Variants in PIGG observed in about 807,000 individuals in gnomAD.
PIGG encodes GPI ethanolamine phosphate transferase 2, catalytic subunit.
Under a neutral mutation model 83.2 loss-of-function variants are expected in PIGG, and 70 were observed. The ratio of observed to expected loss-of-function variants is 0.84; its 90% CI spans 0.69 to 1.03. The LOEUF (loss-of-function observed/expected upper bound fraction) is 1.03, where lower values mean the gene tolerates loss of function less well. Ranked by LOEUF, PIGG falls within the 50% of genes least tolerant of loss-of-function variation. The pLI, the probability that PIGG is intolerant of heterozygous loss-of-function variation, is 0.00. For synonymous variants in PIGG, 532 were observed against 519.5 expected (o/e 1.02, Z -0.33); for missense variants, 1,257 against 1,233.6 (o/e 1.02, Z -0.28).
chr4:511,607 T>C (rs1721989813), intron 5 of PIGG, among the ~76,000 whole-genome samples: 1 of 152,242 alleles, frequency 6.6e-6, no homozygotes, highest in Admixed American at 6.5e-5. Flanking sequence ...ATAGACATGG[T>C]TTTATATAAT....
rs1020841362 is a variant in PIGG, at chr4:523,920, G to C, written c.2069+7G>C. 1 of 1,491,442 alleles carries C rather than the reference G, an allele frequency of 6.7e-7. No homozygotes were observed. The highest frequency in any genetic ancestry group is 1.3e-5 in the South Asian group (1 of 77,344). The allele number at this position is 1,491,442 out of a possible 1,614,324, so 92.4% of individuals were successfully genotyped here. A position where few individuals can be genotyped will look rare whatever the true frequency, so the allele number is the denominator to read the frequency against. On this transcript the variant is annotated splice_region_variant and intron_variant, in intron 9 of 12. Coordinates refer to ENST00000453061, the MANE Select transcript of PIGG (RefSeq NM_001127178.3). ...TCGGCCACTGGCTCACCAGGTGAGA[G>C]CGTAGGCCCGTGGCCACAGGCCAGA...
At chr4:533,777 C>T (rs1195204650) in intron 11 of PIGG, 41 bp from the exon 12 acceptor site, 32 of 1,596,910 alleles carry the variant, frequency 2.0e-5, no homozygotes, top group Middle Eastern at 3.3e-4. Flanking sequence ...GTTGATGCCA[C>T]GTGTTGTGAG....
At chr4:522,153 C>T in intron 8 of PIGG, 1 of 619,332 alleles carries the variant, frequency 1.6e-6, no homozygotes, top group Non-Finnish European at 2.9e-6. Flanking sequence ...CACATCTGTG[C>T]TGTCAGGTCA....
chr4:521,637 A>G, intron 7 of PIGG, 23 bp from the exon 8 acceptor site: 2 of 1,609,578 alleles, frequency 1.2e-6, no homozygotes, highest in Non-Finnish European at 1.7e-6. Flanking sequence ...CAGTCTGTGG[A>G]TGCTGCTGTT....
chr4:520,166 C>T (rs1244448374), intron 6 of PIGG, among the ~76,000 whole-genome samples: 5 of 152,204 alleles, frequency 3.3e-5, no homozygotes, highest in African/African-American at 7.2e-5. Flanking sequence ...CAGGGTGGGG[C>T]GAGCCTGCCA....
intron 6 of PIGG, among the ~76,000 whole-genome samples, chr4:518,588 A>C (rs28374581): frequency 6.6e-6 from 1 of 152,122 alleles, no homozygotes; most frequent in African/African-American, 2.4e-5. Context: ...GCGAGACTCC[A>C]TCTCAAAAAA....
chr4:500,791 A>G (rs1420488932), intron 2 of PIGG, among the ~76,000 whole-genome samples, 190 bp downstream of exon 2: 1 of 152,344 alleles, frequency 6.6e-6, no homozygotes, highest in East Asian at 1.9e-4. Context: ...TTTGTGCCCC[A>G]TGTCAAGTAG....
At chr4:503,649 G>A (rs963601473) in intron 2 of PIGG, among the ~76,000 whole-genome samples, 1 of 152,104 alleles carries the variant, frequency 6.6e-6, no homozygotes, top group African/African-American at 2.4e-5. Flanking sequence ...CAGTAAAATG[G>A]TCTTGGTTAA....
rs531144325 is a variant in PIGG at position 530,080 on chromosome 4, C to T, written c.2262-356C>T. 4.6e-5 allele frequency among the ~76,000 whole-genome samples: 7 copies of T among 152,266 alleles called. No homozygotes were observed. In the South Asian group the frequency reaches 8.3e-4, roughly 18 times the overall value. On this transcript the variant is annotated intron_variant, in intron 10 of 12. Transcript: ENST00000453061. ...CTTAGAGTTGACTCTTATACTAGTGCGTTGGGTTTTTTTTAATTAACTGCA... is the reference window on the plus strand; with the variant it reads ...CTTAGAGTTGACTCTTATACTAGTGTGTTGGGTTTTTTTTAATTAACTGCA...
intron 3 of PIGG, among the ~76,000 whole-genome samples, chr4:507,076 A>G (rs1719978605): frequency 6.6e-6 from 1 of 152,246 alleles, no homozygotes; most frequent in Non-Finnish European, 1.5e-5. Context: ...CATAAAAACA[A>G]TATTAGCAAA....
chr4:511,399 A>G lies in PIGG; in HGVS notation c.901+2429A>G, dbSNP rs1721903428. ...TCATTGACCATTCTTGAGCTGATGG[A>G]CATTTGGGTTGTTTCCACTTTCTGG... On this transcript the variant is annotated intron_variant, in intron 5 of 12. Transcript: ENST00000453061. Among the ~76,000 whole-genome samples, 3 of 151,930 alleles carry G rather than the reference A, an allele frequency of 2.0e-5. No homozygotes were observed. The South Asian group carries it at 6.2e-4, about 32-fold the overall frequency.
rs1368116066 is a variant in PIGG, at chr4:537,976, A to G, written c.2736-1177A>G. Among the ~76,000 whole-genome samples the G allele has an allele frequency of 4.6e-5, 7 of 151,574 alleles. No individual in the cohort carries two copies. The East Asian group carries it at 1.4e-3, about 29-fold the overall frequency. ...CTGACAGGACTGAGGAGCCCTTTAC[A>G]GGACATGCATGTGGGGCCCAGACAC... On this transcript the variant is annotated intron_variant, in intron 12 of 12. Transcript: ENST00000453061.
At chr4:522,257 A>T in intron 8 of PIGG, 1 of 572,150 alleles carries the variant, frequency 1.7e-6, no homozygotes, top group Non-Finnish European at 3.1e-6. Context: ...CCCCCCGCTG[A>T]GGGGGTGTGT....
rs546568915 is a variant in PIGG, at chr4:510,563, T to A, written c.901+1593T>A. 2.6e-5 allele frequency among the ~76,000 whole-genome samples: 4 copies of A among 152,318 alleles called. No homozygotes were observed. In the South Asian group the frequency reaches 8.3e-4, roughly 32 times the overall value. ...GAGGCTTGTTCCCAACACTTCTTCA[T>A]CTTGAATGTCTGACCTGAGCAGAGC... On this transcript the variant is annotated intron_variant, in intron 5 of 12. Coordinates refer to ENST00000453061, the MANE Select transcript of PIGG (RefSeq NM_001127178.3).
chr4:533,733 C>A, intron 11 of PIGG, 85 bp from the exon 12 acceptor site: 4 of 1,323,320 alleles, frequency 3.0e-6, no homozygotes, highest in Non-Finnish European at 4.3e-6. Flanking sequence ...ACACAGTTCA[C>A]GCTAACATCG....
intron 10 of PIGG, 125 bp downstream of exon 10, chr4:527,355 A>C: frequency 4.3e-6 from 6 of 1,408,374 alleles, no homozygotes; most frequent in Non-Finnish European, 5.5e-6. Flanking sequence ...TCTTCAGAGC[A>C]TTGGAGTTTG....
In PIGG at chr4:499,220, C is replaced by A; in HGVS notation, c.-116C>A. On this transcript the variant is annotated 5_prime_UTR_variant, in exon 1 of 13. Coordinates refer to ENST00000453061, the MANE Select transcript of PIGG (RefSeq NM_001127178.3). ...GGCGGACGTGACGCCACTGTCGCTGCGACGATAAGGCCTGGCGTTATTGCT... is the reference window on the plus strand; with the variant it reads ...GGCGGACGTGACGCCACTGTCGCTGAGACGATAAGGCCTGGCGTTATTGCT... 4 of 1,129,714 alleles carry A rather than the reference C, an allele frequency of 3.5e-6. No homozygotes were observed. The highest frequency in any genetic ancestry group is 2.5e-6 in the Non-Finnish European group (2 of 813,278). The allele number at this position is 1,129,714 out of a possible 1,614,324, so 70.0% of individuals were successfully genotyped here.
intron 4 of PIGG, 64 bp from the exon 5 acceptor site, chr4:508,765 T>C (rs1577031642): frequency 2.0e-6 from 3 of 1,491,410 alleles, no homozygotes; most frequent in East Asian, 4.6e-5. Flanking sequence ...GAAAATTGTC[T>C]TCTTAAGATG....
chr4:517,810 G>A (rs897084041), intron 6 of PIGG, among the ~76,000 whole-genome samples: 1 of 148,738 alleles, frequency 6.7e-6, no homozygotes, highest in Non-Finnish European at 1.5e-5. Context: ...GGAGAGGAAC[G>A]TTTGTCTCCC....
Sources: gnomAD v4.1 joint callset for allele counts (sites outside exome capture counted in the v4.1 genomes callset) on GRCh38, gnomAD v4.1.1 for gene constraint, MANE v1.5 for transcripts, NCBI Gene and HGNC (gene_info 2026-07-23, HGNC 2026-07-21) for gene names.